The following CRAMP1 variants were observed in gnomAD, a reference collection of about 807,000 sequenced individuals.
The protein encoded by CRAMP1 is protein cramped-like.
Under a neutral mutation model 115.4 loss-of-function variants are expected in CRAMP1, and 50 were observed. The ratio of observed to expected loss-of-function variants is 0.43; its 90% CI spans 0.35 to 0.55. The LOEUF is 0.55. Among genes scored for constraint, CRAMP1 ranks in the 20% least tolerant of loss-of-function variants. The probability of loss-of-function intolerance (pLI) is 0.01; values close to 1 mark genes in which losing one functional copy is unlikely to be tolerated. For synonymous variants in CRAMP1, 866 were observed against 745.4 expected, an observed-to-expected ratio of 1.16 and a Z score of -2.64; for missense variants, 1,679 against 1,721.7, an observed-to-expected ratio of 0.98 and a Z score of 0.44.
Position 1,670,692 on chromosome 16 carries a change from G to C in CRAMP1, c.3528G>C (p.Arg1176=). 6.2e-7 allele frequency: 1 copy of C among 1,614,024 alleles called. No individual in the cohort carries two copies. Among genetic ancestry groups the C allele is most frequent in the Non-Finnish European group, 8.5e-7 (1 of 1,179,890 alleles). ...FASFISPEKS[R]KMLPTPIGTN... ...GCTTCATCTCCCCAGAGAAGAGCCG[G>C]AAGATGTTGCCGACTCCCATTGGGA... Residue 1176 remains arginine, a synonymous_variant, in exon 20 of 21, where the codon CGG becomes CGC. Coordinates refer to ENST00000397412, the MANE Select transcript of CRAMP1 (RefSeq NM_020825.4).
At position 1,674,228 on chromosome 16, in the gene CRAMP1, T is replaced by A. The variant is rs1216179205; in HGVS notation, c.*183T>A. On this transcript the variant is annotated 3_prime_UTR_variant, in exon 21 of 21. Coordinates refer to ENST00000397412, the MANE Select transcript of CRAMP1 (RefSeq NM_020825.4). ...GCAACGGCGTCCAAGGAGACTAGGA[T>A]GAGTTCTTGGCAAGGGCCAGCGTTA... The A allele has an allele frequency of 2.4e-5, 15 of 626,036 alleles. No homozygotes were observed. Among genetic ancestry groups the A allele is most frequent in the Non-Finnish European group, 4.1e-5 (15 of 361,860 alleles). The allele number at this position is 626,036 out of a possible 1,614,324, so 38.8% of individuals were successfully genotyped here.
At chr16:1,617,167 T>C (rs1331009741) in intron 2 of CRAMP1, among the ~76,000 whole-genome samples, 2 of 152,194 alleles carry the variant, frequency 1.3e-5, no homozygotes, top group Admixed American at 1.3e-4. Flanking sequence ...TAAGCTGTGA[T>C]GGTGGCTTTT....
chr16:1,625,842 G>C, intron 2 of CRAMP1, 131 bp from the exon 3 acceptor site: 1 of 896,554 alleles, frequency 1.1e-6, no homozygotes, highest in Non-Finnish European at 1.7e-6. Flanking sequence ...GGTGCTGCCT[G>C]CCAGCATCCT....
At chr16:1,662,988 A>C (rs2036846014) in intron 13 of CRAMP1, among the ~76,000 whole-genome samples, 153 bp downstream of exon 13, 2 of 152,358 alleles carry the variant, frequency 1.3e-5, no homozygotes, top group South Asian at 4.1e-4. Context: ...TACAAGTAAT[A>C]ACAGTGAACT....
rs1283560875 is a variant in CRAMP1 at position 1,674,016 on chromosome 16, G to A, written c.3781G>A (p.Gly1261Ser). ...AGCTCTGTTTGATGGTGGTGGAGGC[G>A]GCCCCGCTGTCAGTGACCTGTCCCA... ...REALFDGGGG[G>S]PAVSDLSQ The change falls in exon 21 of 21, where the codon GGC (glycine) becomes AGC (serine). Residue 1261 changes from glycine (G) to serine (S), a missense_variant. Coordinates refer to ENST00000397412, the MANE Select transcript of CRAMP1 (RefSeq NM_020825.4). The A allele has an allele frequency of 8.1e-6, 13 of 1,612,088 alleles. No homozygotes were observed. Among genetic ancestry groups the A allele is most frequent in the Middle Eastern group, 2.1e-4 (1 of 4,676 alleles).
chr16:1,658,188 G>A (rs750474208), intron 10 of CRAMP1, among the ~76,000 whole-genome samples: 2 of 152,180 alleles, frequency 1.3e-5, no homozygotes, highest in African/African-American at 2.4e-5. Context: ...CATCAAGGGG[G>A]CTGGAGGAAA....
At chr16:1,665,300 CT>C (rs1298102760) in intron 14 of CRAMP1, among the ~76,000 whole-genome samples, 162 bp downstream of exon 14, 1 of 152,212 alleles carries the variant, frequency 6.6e-6, no homozygotes, top group Admixed American at 6.5e-5. Flanking sequence ...GGGCTGCAGG[CT>C]GCGGTGGCGG....
At position 1,662,602 on chromosome 16, in the gene CRAMP1, A is replaced by C; in HGVS notation, c.2526A>C (p.Arg842=). 3 of 1,613,972 alleles carry C rather than the reference A, an allele frequency of 1.9e-6. No homozygotes were observed. Among genetic ancestry groups the C allele is most frequent in the South Asian group, 1.1e-5 (1 of 91,078 alleles). Residue 842 remains arginine (R), a synonymous_variant, in exon 12 of 21, where the codon CGA becomes CGC. Coordinates refer to ENST00000397412, the MANE Select transcript of CRAMP1 (RefSeq NM_020825.4). Reference sequence around the variant, plus strand: ...CGACAACCTTGCCACCCAACAGCCGACACGGGAAGCTCTTCTCTCCCAGTA... The same window carrying C: ...CGACAACCTTGCCACCCAACAGCCGCCACGGGAAGCTCTTCTCTCCCAGTA... ...AVPTTLPPNS[R]HGKLFSPSKE... is the part of the protein sequence containing the mutation.
rs1174844086 is a variant in CRAMP1, at chr16:1,674,856, C to G, written c.*811C>G. 1 of 152,212 alleles carries G rather than the reference C, an allele frequency of 6.6e-6. No individual in the cohort carries two copies. Among genetic ancestry groups the G allele is most frequent in the Non-Finnish European group, 1.5e-5 (1 of 68,034 alleles). The allele number at this position is 152,212 out of a possible 1,614,324, so 9.4% of individuals were successfully genotyped here. ...CTTCCTGTGTCCCTTTGCAAGCTTC[C>G]AGGCGATCTAAGGTGTCATTTCTCC... is the stretch of plus-strand genomic sequence containing the variant. On this transcript the variant is annotated 3_prime_UTR_variant, in exon 21 of 21. Transcript: ENST00000397412.
At chr16:1,618,626 C>T (rs1485309746) in intron 2 of CRAMP1, among the ~76,000 whole-genome samples, 1 of 152,114 alleles carries the variant, frequency 6.6e-6, no homozygotes, top group Non-Finnish European at 1.5e-5. Flanking sequence ...AAGTGACAGT[C>T]GTTTGTGTGT....
intron 6 of CRAMP1, among the ~76,000 whole-genome samples, chr16:1,647,370 G>A (rs1459931288): frequency 6.6e-6 from 1 of 152,134 alleles, no homozygotes; most frequent in African/African-American, 2.4e-5. Context: ...CGAAAGCCAG[G>A]CTCCCATGTA....
At chr16:1,648,347 G>A (rs1219841134) in intron 6 of CRAMP1, among the ~76,000 whole-genome samples, 4 of 152,112 alleles carry the variant, frequency 2.6e-5, no homozygotes, top group Non-Finnish European at 5.9e-5. Context: ...AGTGGCTCAC[G>A]CCTGTAATCC....
At chr16:1,655,834 C>T (rs778427945) in intron 9 of CRAMP1, 43 bp from the exon 10 acceptor site, 4 of 1,571,210 alleles carry the variant, frequency 2.5e-6, no homozygotes, top group Admixed American at 3.4e-5. Flanking sequence ...AGCATCCCGA[C>T]CTCAGTGCTA....
intron 6 of CRAMP1, among the ~76,000 whole-genome samples, chr16:1,643,130 G>A (rs2036646507): frequency 6.6e-6 from 1 of 152,164 alleles, no homozygotes; most frequent in Admixed American, 6.5e-5. Context: ...CAACTCGGGG[G>A]GCTTTGATTA....
intron 2 of CRAMP1, among the ~76,000 whole-genome samples, chr16:1,620,395 G>A (rs1335970336): frequency 6.6e-6 from 1 of 152,212 alleles, no homozygotes; most frequent in Admixed American, 6.5e-5. Flanking sequence ...TGTCGCCAGT[G>A]CCTTTCTAGC....
At chr16:1,636,703 C>A (rs1015198204) in intron 4 of CRAMP1, among the ~76,000 whole-genome samples, 1 of 152,182 alleles carries the variant, frequency 6.6e-6, no homozygotes, top group African/African-American at 2.4e-5. Context: ...TGGTGTAATA[C>A]AGTAACAAAA....
rs921349707 is a variant in CRAMP1, at chr16:1,665,894, G to A, written c.2753-179G>A. The stretch of plus-strand genomic sequence containing the variant: ...TGGGTGCCAGAGCTTGTGTCACGTT[G>A]GGGGCCTGTGTGACCTCTGACTCCT... On this transcript the variant is annotated intron_variant, in intron 14 of 20. Coordinates refer to ENST00000397412, the MANE Select transcript of CRAMP1 (RefSeq NM_020825.4). 3 of 594,268 alleles carry A rather than the reference G, an allele frequency of 5.0e-6. No homozygotes were observed. In the South Asian group the frequency reaches 5.9e-5, roughly 12 times the overall value. 36.8% of individuals were successfully genotyped at this position (594,268 alleles called of 1,614,324 possible).
rs1257480977 is a variant in CRAMP1, at chr16:1,669,616, G to A, written c.3499+451G>A. On this transcript the variant is annotated intron_variant, in intron 19 of 20. Coordinates refer to ENST00000397412, the MANE Select transcript of CRAMP1 (RefSeq NM_020825.4). The surrounding 1 kb of genome is among the most constrained non-coding windows in gnomAD (Gnocchi z 4.6). ...TCCAGCTGCCACCTGGCACATTCTT[G>A]AATATAGATCGGAGAGTTCAGAGGA... Among the ~76,000 whole-genome samples the A allele has an allele frequency of 6.6e-6, 1 of 152,210 alleles. No individual in the cohort carries two copies. The highest frequency in any genetic ancestry group is 6.5e-5 in the Admixed American group (1 of 15,288).
rs769868960 is a variant in CRAMP1 at position 1,670,814 on chromosome 16, G to C, written c.3645+5G>C. The C allele has an allele frequency of 6.2e-7, 1 of 1,613,712 alleles. No individual in the cohort carries two copies. Among genetic ancestry groups the C allele is most frequent in the Admixed American group, 1.7e-5 (1 of 60,014 alleles). On this transcript the variant is annotated splice_donor_5th_base_variant and intron_variant, in intron 20 of 20. Coordinates refer to ENST00000397412, the MANE Select transcript of CRAMP1 (RefSeq NM_020825.4). ...TCCCTGGCTGACGTTGCAGAGGTGA[G>C]TGCATTGACCTCACAGCTGCACCTG... is the stretch of plus-strand genomic sequence containing the variant.
Sources: allele counts gnomAD v4.1 joint callset (sites outside exome capture counted in the v4.1 genomes callset), GRCh38; gene constraint gnomAD v4.1.1; non-coding constraint Gnocchi (gnomAD v3.1); transcripts MANE v1.5; gene names NCBI Gene and HGNC (gene_info 2026-07-23, HGNC 2026-07-21).